The following SV2C variants were observed in gnomAD, a reference collection of about 807,000 sequenced individuals.
SV2C encodes the protein synaptic vesicle glycoprotein 2C.
A neutral mutation model predicts 79.7 loss-of-function variants in SV2C; 49 were observed. The ratio of observed to expected loss-of-function variants is 0.61; its 90% CI spans 0.49 to 0.78. The LOEUF (loss-of-function observed/expected upper bound fraction) is 0.78. Among genes scored for constraint, SV2C ranks in the 30% least tolerant of loss-of-function variants. The probability of loss-of-function intolerance (pLI) is 0.00; values close to 1 mark genes in which losing one functional copy is unlikely to be tolerated. For synonymous variants in SV2C, 334 were observed against 333.2 expected, an observed-to-expected ratio of 1.00 and a Z score of -0.03; for missense variants, 833 against 912.9, an observed-to-expected ratio of 0.91 and a Z score of 1.13.
intron 2 of SV2C, among the ~76,000 whole-genome samples, chr5:76,187,282 C>G (rs1449053129): frequency 6.6e-6 from 1 of 152,176 alleles, no homozygotes; most frequent in African/African-American, 2.4e-5. Flanking sequence ...ATTATTAGGC[C>G]TCTTCTTCTA....
chr5:76,268,963 GT>G (rs1417191109), intron 4 of SV2C, among the ~76,000 whole-genome samples: 10 of 152,170 alleles, frequency 6.6e-5, no homozygotes, highest in African/African-American at 2.4e-4. Flanking sequence ...CTAAAAGTCG[GT>G]TTTCACACCT....
At chr5:76,008,882 C>A in the SV2C span, among the ~76,000 whole-genome samples, 7 of 152,142 alleles carry the variant, frequency 4.6e-5, no homozygotes, top group Non-Finnish European at 7.3e-5. Context: ...ACCAATACAA[C>A]CTTCTGGCTC....
At chr5:76,282,619 A>G (rs909579057) in intron 4 of SV2C, among the ~76,000 whole-genome samples, 1 of 152,252 alleles carries the variant, frequency 6.6e-6, no homozygotes, top group African/African-American at 2.4e-5. Flanking sequence ...CAAGTGGCTC[A>G]CATAACCTGT....
At chr5:76,281,041 A>T in intron 4 of SV2C, 1 of 541,212 alleles carries the variant, frequency 1.8e-6, no homozygotes, top group South Asian at 1.4e-5. Context: ...GTTCTAAATC[A>T]GTCGGCCCCT....
chr5:76,033,075 T>C, the SV2C span, among the ~76,000 whole-genome samples: 17 of 152,172 alleles, frequency 1.1e-4, no homozygotes, highest in African/African-American at 1.4e-4. Context: ...ATGTCCTTTG[T>C]CCACTTTTTG....
intron 4 of SV2C, among the ~76,000 whole-genome samples, chr5:76,269,488 G>A (rs890771527): frequency 1.2e-4 from 18 of 152,194 alleles, no homozygotes; most frequent in South Asian, 2.1e-4. Context: ...AACAGGATGC[G>A]TGTGAGGTGC....
the SV2C span, among the ~76,000 whole-genome samples, chr5:76,044,817 C>A: frequency 1.3e-5 from 2 of 152,062 alleles, no homozygotes; most frequent in Admixed American, 6.5e-5. Flanking sequence ...GGCTATTAGA[C>A]CTCTGTCAGA....
At chr5:76,112,487 C>T (rs148995519) in intron 1 of SV2C, among the ~76,000 whole-genome samples, 248 of 152,194 alleles carry the variant, frequency 1.6e-3, no homozygotes, top group African/African-American at 5.5e-3. Flanking sequence ...AGGCCTTGTG[C>T]GCCAAGGGGA....
chr5:76,048,086 A>G, the SV2C span, among the ~76,000 whole-genome samples: 6 of 152,200 alleles, frequency 3.9e-5, no homozygotes, highest in African/African-American at 1.4e-4. Context: ...ATACTTCAAA[A>G]TATCATGTTA....
the SV2C span, among the ~76,000 whole-genome samples, chr5:75,947,263 A>C: frequency 1.3e-5 from 2 of 152,010 alleles, no homozygotes; most frequent in African/African-American, 4.8e-5. Context: ...TCCCTGTGGA[A>C]GTAATGTTAA....
At chr5:75,948,926 G>T in the SV2C span, among the ~76,000 whole-genome samples, 426 of 152,050 alleles carry the variant, frequency 2.8e-3, 2 homozygotes, top group African/African-American at 9.4e-3. Context: ...ATGACTGATA[G>T]AGCTTGGATA....
the SV2C span, among the ~76,000 whole-genome samples, chr5:75,961,577 A>G: frequency 6.6e-6 from 1 of 151,914 alleles, no homozygotes; most frequent in Non-Finnish European, 1.5e-5. Context: ...ATTCATAAAT[A>G]TCAGAATTTT....
intron 2 of SV2C, among the ~76,000 whole-genome samples, chr5:76,147,402 T>C (rs1364227186): frequency 2.6e-5 from 4 of 152,156 alleles, no homozygotes; most frequent in Non-Finnish European, 5.9e-5. Context: ...AGGACAGCCT[T>C]TTCTACTCTG....
At chr5:75,920,605 G>T in the SV2C span, 1 of 545,420 alleles carries the variant, frequency 1.8e-6, no homozygotes, top group South Asian at 2.2e-5. Context: ...ACCTGAACTT[G>T]AACATGATGC....
intron 12 of SV2C, among the ~76,000 whole-genome samples, chr5:76,303,252 CTG>C (rs1487623510): frequency 6.6e-6 from 1 of 152,200 alleles, no homozygotes; most frequent in Non-Finnish European, 1.5e-5. Flanking sequence ...TGTTAATTCT[CTG>C]TCTTTGTGAA....
chr5:76,144,189 T>C (rs1376910671), intron 2 of SV2C, among the ~76,000 whole-genome samples: 1 of 152,224 alleles, frequency 6.6e-6, no homozygotes, highest in Non-Finnish European at 1.5e-5. Flanking sequence ...CATTTAGGAA[T>C]GAAGAGCTAT....
the SV2C span, among the ~76,000 whole-genome samples, chr5:75,883,175 A>C: frequency 1.5e-5 from 2 of 135,210 alleles, no homozygotes; most frequent in Non-Finnish European, 3.1e-5. Flanking sequence ...GGCAATCATT[A>C]AAAAGTCAGG....
At chr5:76,029,386 C>G in the SV2C span, among the ~76,000 whole-genome samples, 1 of 152,176 alleles carries the variant, frequency 6.6e-6, no homozygotes, top group South Asian at 2.1e-4. Flanking sequence ...CCCCTAACCT[C>G]TCTGTTCTTA....
chr5:75,910,356 C>T, the SV2C span: 42 of 563,574 alleles, frequency 7.5e-5, no homozygotes, highest in South Asian at 2.0e-4. Context: ...TTATTCCCTA[C>T]GATGGCCTTC....
Sources: allele counts gnomAD v4.1 joint callset (sites outside exome capture counted in the v4.1 genomes callset), GRCh38; gene constraint gnomAD v4.1.1; transcripts MANE v1.5; gene names NCBI Gene and HGNC (gene_info 2026-07-23, HGNC 2026-07-21).